Variants in STARD13 observed in about 807,000 individuals in gnomAD.
STARD13 encodes the protein StAR related lipid transfer domain containing 13, also known as stAR-related lipid transfer protein 13.
Under a neutral mutation model 106.4 loss-of-function variants are expected in STARD13, and 62 were observed. That is an observed-to-expected ratio of 0.58 (90% CI 0.48 to 0.72). STARD13 has a LOEUF of 0.72. STARD13 is among the 30% of genes least tolerant of loss of function. The pLI, the probability that STARD13 is intolerant of heterozygous loss-of-function variation, is 0.00. For synonymous variants in STARD13, 565 were observed against 553.0 expected (o/e 1.02, Z -0.31); for missense variants, 1,387 against 1,424.0 (o/e 0.97, Z 0.42).
intron 1 of STARD13, among the ~76,000 whole-genome samples, chr13:33,338,387 A>C (rs557776227): frequency 1.3e-5 from 2 of 152,344 alleles, no homozygotes; most frequent in African/African-American, 4.8e-5. Context: ...AATTCCATTT[A>C]GGCCAAAAGC....
the STARD13 span, among the ~76,000 whole-genome samples, chr13:33,643,465 A>G: frequency 1.3e-5 from 2 of 152,228 alleles, no homozygotes; most frequent in Non-Finnish European, 2.9e-5. Context: ...CCGGCTGGAG[A>G]CTCATAGTGT....
In STARD13 at chr13:33,131,424, C is replaced by T. The variant is rs558574575; in HGVS notation, c.388-1135G>A. 3.4e-5 allele frequency among the ~76,000 whole-genome samples: 4 copies of T among 116,174 alleles called. No individual in the cohort carries two copies. The South Asian group carries it at 1.3e-3, about 38-fold the overall frequency. 76.2% of individuals were successfully genotyped at this position (116,174 alleles called of 152,430 possible). On this transcript the variant is annotated intron_variant, in intron 4 of 13. Transcript: ENST00000336934. ...TAGCTTTCCACAGTGTAGTCCAAAT[C>T]GAATCATATGATTTTTTTTTTTCAG...
chr13:33,542,618 C>T, the STARD13 span, among the ~76,000 whole-genome samples: 8 of 152,228 alleles, frequency 5.3e-5, no homozygotes, highest in Admixed American at 6.5e-5. Flanking sequence ...CCGCTGGCGC[C>T]GCCCCGGGTT....
At chr13:33,372,107 A>C in the STARD13 span, among the ~76,000 whole-genome samples, 24,706 of 152,218 alleles carry the variant, frequency 0.16, 2,142 homozygotes, top group Middle Eastern at 0.23. Context: ...GAGTCTACAA[A>C]AGCCAGAAAA....
At chr13:33,108,115 ATCTCCAGCAAC>A (rs1874019600) in intron 12 of STARD13, among the ~76,000 whole-genome samples, 2 of 152,202 alleles carry the variant, frequency 1.3e-5, no homozygotes, top group Non-Finnish European at 2.9e-5. Flanking sequence ...AAATGGGAGA[ATCTCCAGCAAC>A]TCTCAGCGGA....
At chr13:33,542,983 C>G in the STARD13 span, among the ~76,000 whole-genome samples, 2 of 152,218 alleles carry the variant, frequency 1.3e-5, no homozygotes, top group African/African-American at 4.8e-5. Context: ...GCGGGAGGGA[C>G]TTTGTGGCGA....
the STARD13 span, among the ~76,000 whole-genome samples, chr13:33,446,261 T>C: frequency 6.6e-6 from 1 of 152,180 alleles, no homozygotes; most frequent in African/African-American, 2.4e-5. Flanking sequence ...CAAAACTTTC[T>C]ATTTCTGCAA....
chr13:33,579,332 T>C, the STARD13 span, among the ~76,000 whole-genome samples: 1 of 152,062 alleles, frequency 6.6e-6, no homozygotes, highest in Non-Finnish European at 1.5e-5. Context: ...AACAAAATAA[T>C]GTCTTTTGTA....
the STARD13 span, among the ~76,000 whole-genome samples, chr13:33,486,611 A>G: frequency 6.6e-6 from 1 of 152,132 alleles, no homozygotes; most frequent in South Asian, 2.1e-4. Context: ...TCCTCTTTCC[A>G]TCTTTCCTTA....
At chr13:33,183,667 A>G (rs978991034) in intron 1 of STARD13, among the ~76,000 whole-genome samples, 6 of 151,478 alleles carry the variant, frequency 4.0e-5, no homozygotes, top group Non-Finnish European at 8.8e-5. Context: ...TAGTGCTGGG[A>G]AGTCAGATTT....
At chr13:33,479,443 G>T in the STARD13 span, among the ~76,000 whole-genome samples, 1 of 152,180 alleles carries the variant, frequency 6.6e-6, no homozygotes, top group Admixed American at 6.5e-5. Flanking sequence ...GGCATTATTT[G>T]TAAAAACAAA....
the STARD13 span, among the ~76,000 whole-genome samples, chr13:33,648,787 T>TC: frequency 7.1e-6 from 1 of 140,658 alleles, no homozygotes; most frequent in East Asian, 2.0e-4. Context: ...CTCTTTCTTT[T>TC]TTTTTTTTTT....
chr13:33,356,769 C>T, the STARD13 span, among the ~76,000 whole-genome samples: 2 of 152,182 alleles, frequency 1.3e-5, no homozygotes, highest in Non-Finnish European at 2.9e-5. Flanking sequence ...CATGAGATTC[C>T]AGTCCAGCCA....
chr13:33,145,430 G>A (rs2764609), intron 3 of STARD13, among the ~76,000 whole-genome samples: 111,672 of 152,150 alleles, frequency 0.73, 41,200 homozygotes, highest in East Asian at 0.8. Flanking sequence ...AGTCTCTTAT[G>A]AAATTAGATA....
the STARD13 span, among the ~76,000 whole-genome samples, chr13:33,553,989 A>G: frequency 6.6e-6 from 1 of 152,110 alleles, no homozygotes; most frequent in Non-Finnish European, 1.5e-5. Flanking sequence ...TATTTTTAAC[A>G]TATTCATTAT....
At chr13:33,616,586 A>G in the STARD13 span, among the ~76,000 whole-genome samples, 2 of 152,320 alleles carry the variant, frequency 1.3e-5, no homozygotes, top group African/African-American at 2.4e-5. Flanking sequence ...GGAAAAGTCT[A>G]TGCCATCCAT....
intron 1 of STARD13, among the ~76,000 whole-genome samples, chr13:33,306,341 T>C (rs1362864332): frequency 1.3e-5 from 2 of 152,256 alleles, no homozygotes; most frequent in Non-Finnish European, 2.9e-5. Flanking sequence ...ATGAATTAAA[T>C]ACTTAAATGT....
chr13:33,519,387 AC>A, the STARD13 span, among the ~76,000 whole-genome samples: 1 of 144,800 alleles, frequency 6.9e-6, no homozygotes, highest in Non-Finnish European at 1.5e-5. Context: ...GAACCCCATC[AC>A]CATGTTGGTC....
chr13:33,675,239 A>G, the STARD13 span, among the ~76,000 whole-genome samples: 1 of 152,234 alleles, frequency 6.6e-6, no homozygotes, highest in Non-Finnish European at 1.5e-5. Flanking sequence ...TCCCTCCAGG[A>G]CAAAGGTAGC....
Sources: allele counts gnomAD v4.1 joint callset (sites outside exome capture counted in the v4.1 genomes callset), GRCh38; gene constraint gnomAD v4.1.1; transcripts MANE v1.5; gene names NCBI Gene and HGNC (gene_info 2026-07-23, HGNC 2026-07-21).